SNX16: variants seen among roughly 807,000 people sequenced by gnomAD.
The protein encoded by SNX16 is sorting nexin-16.
In SNX16, 35 loss-of-function variants were observed where a neutral mutation model predicts 36.7. The ratio of observed to expected loss-of-function variants is 0.95; its 90% CI spans 0.73 to 1.27. The LOEUF is 1.27. SNX16 is among the 50% of genes most tolerant of loss of function. SNX16 has a pLI of 0.00. For missense variants in SNX16, 367 were observed against 393.6 expected, an observed-to-expected ratio of 0.93 and a Z score of 0.57; for synonymous variants, 134 against 132.0, an observed-to-expected ratio of 1.02 and a Z score of -0.10.
chr8:81,818,559 A>C (rs1434214068), intron 4 of SNX16, among the ~76,000 whole-genome samples: 2 of 152,132 alleles, frequency 1.3e-5, no homozygotes, highest in Non-Finnish European at 2.9e-5. Context: ...ACTCTCTTCA[A>C]ATAGTTAAGA....
At chr8:81,840,163 A>G (rs978834223) in intron 1 of SNX16, 81 bp from the exon 2 acceptor site, 3 of 663,570 alleles carry the variant, frequency 4.5e-6, no homozygotes, top group Non-Finnish European at 7.2e-6. Flanking sequence ...TTTCAATTTT[A>G]TGACACTATT....
At chr8:81,812,063 T>C (rs963540670) in intron 5 of SNX16, among the ~76,000 whole-genome samples, 13 of 152,044 alleles carry the variant, frequency 8.6e-5, no homozygotes, top group African/African-American at 3.1e-4. Flanking sequence ...ACAGGAGATT[T>C]AATATGACCG....
intron 5 of SNX16, among the ~76,000 whole-genome samples, chr8:81,806,334 G>C (rs1005889564): frequency 1.3e-5 from 2 of 151,768 alleles, no homozygotes; most frequent in African/African-American, 4.8e-5. Flanking sequence ...CTGAATTTGC[G>C]TTAATCTCAT....
At position 81,808,755 on chromosome 8, in the gene SNX16, G is replaced by A. The variant is rs972797755; in HGVS notation, c.682-5527C>T. ...TTAATTAGGAAACAAAGCTCAGCAG[G>A]AGAGGAGAGCCAGAGAAGTAACAGG... On this transcript the variant is annotated intron_variant, in intron 5 of 7. Transcript: ENST00000345957. The A allele has an allele frequency of 5.4e-6, 6 of 1,119,216 alleles. No individual in the cohort carries two copies. The African/African-American group carries it at 7.6e-5, about 14-fold the overall frequency. The allele number at this position is 1,119,216 out of a possible 1,614,324, so 69.3% of individuals were successfully genotyped here.
chr8:81,836,743 T>C (rs899104225), intron 2 of SNX16, among the ~76,000 whole-genome samples: 5 of 152,264 alleles, frequency 3.3e-5, no homozygotes, highest in African/African-American at 1.2e-4. Flanking sequence ...CTGCTTTGAC[T>C]GTCCCCCATC....
At chr8:81,808,199 G>T in intron 5 of SNX16, 1 of 1,328,030 alleles carries the variant, frequency 7.5e-7, no homozygotes, top group South Asian at 1.2e-5. Flanking sequence ...CAAGGCAGTG[G>T]CAAGAAAAGG....
At chr8:81,826,819 T>C (rs554158843) in intron 3 of SNX16, among the ~76,000 whole-genome samples, 25 of 152,352 alleles carry the variant, frequency 1.6e-4, no homozygotes, top group South Asian at 4.1e-4. Context: ...TTCACAACTA[T>C]ATAACTGGGA....
chr8:81,802,590 A>G, intron 6 of SNX16, 91 bp from the exon 7 acceptor site: 1 of 1,102,380 alleles, frequency 9.1e-7, no homozygotes, highest in Non-Finnish European at 1.3e-6. Context: ...AGCAGTCTTT[A>G]GCTGTTAAGC....
chr8:81,838,422 G>T (rs1196213528), intron 2 of SNX16, among the ~76,000 whole-genome samples: 1 of 152,002 alleles, frequency 6.6e-6, no homozygotes, highest in Non-Finnish European at 1.5e-5. Flanking sequence ...TATTAATTAA[G>T]ACAGTGTGAA....
intron 2 of SNX16, among the ~76,000 whole-genome samples, chr8:81,829,853 C>T (rs1238932910): frequency 6.6e-6 from 1 of 152,046 alleles, no homozygotes; most frequent in Non-Finnish European, 1.5e-5. Context: ...GAAAAATAGC[C>T]ACTTTTGTTC....
At chr8:81,831,620 C>T (rs1382121935) in intron 2 of SNX16, among the ~76,000 whole-genome samples, 1 of 150,482 alleles carries the variant, frequency 6.6e-6, no homozygotes, top group Non-Finnish European at 1.5e-5. Flanking sequence ...ATTGCTTGAA[C>T]CTGGGAGGCA....
intron 4 of SNX16, among the ~76,000 whole-genome samples, chr8:81,821,537 T>C (rs1452137920): frequency 2.0e-5 from 3 of 152,070 alleles, no homozygotes; most frequent in Admixed American, 2.0e-4. Context: ...GCTTTCTCTA[T>C]AATTTTGGTG....
intron 4 of SNX16, among the ~76,000 whole-genome samples, chr8:81,823,105 C>T (rs1488963062): frequency 6.6e-6 from 1 of 151,144 alleles, no homozygotes; most frequent in Admixed American, 6.6e-5. Flanking sequence ...AATTTGTTTT[C>T]CATCCTCATG....
intron 2 of SNX16, among the ~76,000 whole-genome samples, chr8:81,835,236 A>C (rs1220301064): frequency 6.6e-6 from 1 of 152,192 alleles, no homozygotes; most frequent in Non-Finnish European, 1.5e-5. Flanking sequence ...CCAAGCCTCT[A>C]GGCTGCACAT....
intron 7 of SNX16, 132 bp from the exon 8 acceptor site, chr8:81,801,725 T>C (rs952222704): frequency 2.0e-6 from 1 of 500,156 alleles, no homozygotes; most frequent in South Asian, 3.7e-5. Context: ...AAGTATTTAA[T>C]GTAAGAGTAT....
intron 3 of SNX16, among the ~76,000 whole-genome samples, chr8:81,825,800 A>T (rs1178546088): frequency 1.3e-5 from 2 of 152,198 alleles, no homozygotes; most frequent in Non-Finnish European, 2.9e-5. Context: ...ACGTGAAGAT[A>T]AAATAAATAA....
At chr8:81,805,340 A>G (rs1198927704) in intron 5 of SNX16, among the ~76,000 whole-genome samples, 1 of 152,182 alleles carries the variant, frequency 6.6e-6, no homozygotes, top group East Asian at 1.9e-4. Context: ...AAGACTTGTG[A>G]GATGCAATTT....
At chr8:81,825,511 G>A (rs1379821371) in intron 3 of SNX16, among the ~76,000 whole-genome samples, 4 of 152,060 alleles carry the variant, frequency 2.6e-5, no homozygotes, top group Non-Finnish European at 2.9e-5. Context: ...GCTTTCCAGT[G>A]GAATCCAAAG....
intron 7 of SNX16, 143 bp downstream of exon 7, chr8:81,802,237 A>G (rs1585969676): frequency 1.9e-6 from 1 of 530,720 alleles, no homozygotes; most frequent in Non-Finnish European, 2.9e-6. Context: ...AAAGCCTAAA[A>G]TATTTCCAAT....
Sources: gnomAD v4.1 joint callset for allele counts (sites outside exome capture counted in the v4.1 genomes callset) on GRCh38, gnomAD v4.1.1 for gene constraint, MANE v1.5 for transcripts, NCBI Gene and HGNC (gene_info 2026-07-23, HGNC 2026-07-21) for gene names.